The following MGA variants were observed in gnomAD, a reference collection of about 807,000 sequenced individuals.
The protein encoded by MGA is MAX gene-associated protein.
A neutral mutation model predicts 261.1 loss-of-function variants in MGA; 40 were observed. The observed-to-expected ratio is 0.15, with a 90% CI of 0.12 to 0.20. MGA has a LOEUF of 0.20. Among genes scored for constraint, MGA ranks in the 10% least tolerant of loss-of-function variants. The pLI is 1.00. For missense variants in MGA, 3,397 were observed against 3,630.5 expected, an observed-to-expected ratio of 0.94 and a Z score of 1.65; for synonymous variants, 1,302 against 1,290.6, an observed-to-expected ratio of 1.01 and a Z score of -0.19.
intron 7 of MGA, among the ~76,000 whole-genome samples, chr15:41,709,752 T>G (rs191990929): frequency 2.2e-4 from 33 of 151,338 alleles, no homozygotes; most frequent in African/African-American, 6.1e-4. Context: ...TCATAAATAA[T>G]CTTTTGGCAT....
chr15:41,726,683 T>G (rs553971774), intron 9 of MGA, among the ~76,000 whole-genome samples: 1 of 151,514 alleles, frequency 6.6e-6, no homozygotes, highest in African/African-American at 2.4e-5. Flanking sequence ...GAGCCAAGAT[T>G]GCGCCATTGC....
rs765796186 is a variant in MGA at position 41,766,695 on chromosome 15, C to G, written c.8613C>G (p.Ser2871Arg). The change falls in exon 24 of 24, where the codon AGC becomes AGG. Residue 2871 changes from serine to arginine, a missense_variant. Transcript: ENST00000219905. ...TTATTAGTAAGGTTCCTCCTGGAAGCAGAGCAACTTTCCAGGTTGAGCACT... is the reference window on the plus strand; with the variant it reads ...TTATTAGTAAGGTTCCTCCTGGAAGGAGAGCAACTTTCCAGGTTGAGCACT... 6.2e-7 allele frequency: 1 copy of G among 1,613,970 alleles called. No homozygotes were observed. Among genetic ancestry groups the G allele is most frequent in the Non-Finnish European group, 8.5e-7 (1 of 1,179,884 alleles).
chr15:41,695,981 T>C (rs745647124), intron 2 of MGA, 94 bp from the exon 3 acceptor site: 64 of 963,910 alleles, frequency 6.6e-5, no homozygotes, highest in Non-Finnish European at 9.4e-5. Flanking sequence ...GATGTGTTAC[T>C]TGGATTCCTA....
intron 1 of MGA, 30 bp from the exon 2 acceptor site, chr15:41,668,798 G>GT (rs1256093645): frequency 2.2e-6 from 2 of 911,978 alleles, no homozygotes; most frequent in East Asian, 2.5e-5. Flanking sequence ...GGTGTTTTTT[G>GT]TTTTTGGTTT....
upstream of MGA, among the ~76,000 whole-genome samples, chr15:41,656,239 C>T (rs1340844835): frequency 6.6e-6 from 1 of 151,882 alleles, no homozygotes; most frequent in Non-Finnish European, 1.5e-5. Context: ...CTGGAGGCAT[C>T]TGGGGCAATC....
chr15:41,738,441 CTTA>C (rs1260252633), intron 13 of MGA, among the ~76,000 whole-genome samples: 2 of 152,152 alleles, frequency 1.3e-5, no homozygotes, highest in South Asian at 2.1e-4. Context: ...AATTAAAAAA[CTTA>C]TTATTGCAGT....
chr15:41,710,929 T>C lies in MGA; in HGVS notation c.2664T>C (p.Pro888=), dbSNP rs770511671. 1 of 1,613,988 alleles carries C rather than the reference T, an allele frequency of 6.2e-7. No individual in the cohort carries two copies. The highest frequency in any genetic ancestry group is 1.7e-5 in the Admixed American group (1 of 60,016). ...CTTCTACCTCTTATTCTTTGAAACC[T>C]CATTCTGTACCCCCTGTCTCTCGAA... The change falls in exon 8 of 24, where the codon CCT becomes CCC. Residue 888 remains proline, a synonymous_variant. Transcript: ENST00000219905.
In MGA at chr15:41,711,953, A is replaced by T. The variant is rs79508016; in HGVS notation, c.3084+604A>T. On this transcript the variant is annotated intron_variant, in intron 8 of 23. Transcript: ENST00000219905. ...TTAGGTGATCCACCTGTCTCACCTC[A>T]CAAAATGCTGGGATTACAGGCATGA... Among the ~76,000 whole-genome samples, 974 of 152,202 alleles carry T rather than the reference A, an allele frequency of 6.4e-3. 4 individuals carry two copies. Among genetic ancestry groups the T allele is most frequent in the Middle Eastern group, 0.044 (13 of 294 alleles).
intron 23 of MGA, among the ~76,000 whole-genome samples, chr15:41,765,726 G>C (rs952637799): frequency 6.6e-6 from 1 of 152,130 alleles, no homozygotes; most frequent in Non-Finnish European, 1.5e-5. Context: ...TTCTGCCTTA[G>C]GAGAAGAATT....
intron 1 of MGA, among the ~76,000 whole-genome samples, chr15:41,650,488 A>AT: frequency 6.6e-6 from 1 of 152,026 alleles, no homozygotes; most frequent in South Asian, 2.1e-4. Flanking sequence ...CCCAGGCTGG[A>AT]GTGCAGTGGT....
chr15:41,742,934 G>A lies in MGA; in HGVS notation c.4974G>A (p.Val1658=). 1 of 1,613,988 alleles carries A rather than the reference G, an allele frequency of 6.2e-7. No individual in the cohort carries two copies. Among genetic ancestry groups the A allele is most frequent in the Non-Finnish European group, 8.5e-7 (1 of 1,179,888 alleles). ...CATCTACCCAGTCTACAGCCACTGT[G>A]AACCTTACCAAAACCACTGGGATAA... Residue 1658 remains valine, a synonymous_variant, in exon 15 of 24, where the codon GTG becomes GTA. Transcript: ENST00000219905.
chr15:41,761,860 GTAAA>G lies in MGA; in HGVS notation c.7510+14_7510+17del. Reference sequence around the variant, plus strand: ...GTATCGTCTCTTTCAGGTGAGATAAGTAAATAATCTCTGGTAAAGAGCATAATTA... The same window carrying G: ...GTATCGTCTCTTTCAGGTGAGATAAGTAATCTCTGGTAAAGAGCATAATTA... On this transcript the variant is annotated intron_variant, in intron 21 of 23. Transcript: ENST00000219905. 1 of 1,499,516 alleles carries G rather than the reference GTAAA, an allele frequency of 6.7e-7. No individual in the cohort carries two copies. The highest frequency in any genetic ancestry group is 1.2e-5 in the South Asian group (1 of 82,484). The allele number at this position is 1,499,516 out of a possible 1,614,324, so 92.9% of individuals were successfully genotyped here. A position where few individuals can be genotyped will look rare whatever the true frequency, so the allele number is the denominator to read the frequency against.
In MGA at chr15:41,761,851, G is replaced by C; in HGVS notation, c.7510+1G>C. 1 of 1,537,788 alleles carries C rather than the reference G, an allele frequency of 6.5e-7. No individual in the cohort carries two copies. The highest frequency in any genetic ancestry group is 8.9e-7 in the Non-Finnish European group (1 of 1,128,238). ...ATACGGAAAGTATCGTCTCTTTCAGGTGAGATAAGTAAATAATCTCTGGTA... is the reference window on the plus strand; with the variant it reads ...ATACGGAAAGTATCGTCTCTTTCAGCTGAGATAAGTAAATAATCTCTGGTA... On this transcript the variant is annotated splice_donor_variant, in intron 21 of 23. Coordinates refer to ENST00000219905, the MANE Select transcript of MGA (RefSeq NM_001164273.2). LOFTEE classifies it high-confidence loss of function.
At chr15:41,700,052 T>G (rs1201332777) in intron 5 of MGA, among the ~76,000 whole-genome samples, 4 of 144,416 alleles carry the variant, frequency 2.8e-5, no homozygotes, top group African/African-American at 5.1e-5. Context: ...TTTTTTTTTT[T>G]TTTTTTTTTT....
chr15:41,663,875 C>T (rs1000895782), intron 1 of MGA, among the ~76,000 whole-genome samples: 6 of 152,086 alleles, frequency 3.9e-5, no homozygotes, highest in Non-Finnish European at 7.4e-5. Context: ...TAATTGACTG[C>T]CCTTTGATTA....
rs979523671 is a variant in MGA at position 41,624,045 on chromosome 15, C to T, written c.-68+2747C>T. Among the ~76,000 whole-genome samples, 121 of 151,066 alleles carry T rather than the reference C, an allele frequency of 8.0e-4. 1 individual carries two copies. The highest frequency in any genetic ancestry group is 2.9e-3 in the African/African-American group (119 of 41,168). On this transcript the variant is annotated intron_variant, in intron 1 of 8. Transcript: ENST00000566718. ...CCTTCTGAAGTGCTAGGATTATAGG[C>T]GTGAGCCACCGAGCCCAGCAAATTA...
At chr15:41,709,430 C>T (rs2060274672) in intron 7 of MGA, among the ~76,000 whole-genome samples, 2 of 152,118 alleles carry the variant, frequency 1.3e-5, no homozygotes, top group Non-Finnish European at 2.9e-5. Context: ...GTATCACACT[C>T]CAGGCATTCC....
At chr15:41,676,776 A>T (rs943553329) in intron 2 of MGA, among the ~76,000 whole-genome samples, 47 of 152,214 alleles carry the variant, frequency 3.1e-4, no homozygotes, top group African/African-American at 1.1e-3. Flanking sequence ...CTAGATCAAG[A>T]TTTTAAATTT....
At chr15:41,703,619 G>A (rs1007652871) in intron 5 of MGA, among the ~76,000 whole-genome samples, 1 of 152,136 alleles carries the variant, frequency 6.6e-6, no homozygotes, top group African/African-American at 2.4e-5. Context: ...GTGCGTGCCT[G>A]TAATCCCAGT....
Sources: gnomAD v4.1 joint callset for allele counts (sites outside exome capture counted in the v4.1 genomes callset) on GRCh38, gnomAD v4.1.1 for gene constraint, MANE v1.5 for transcripts, NCBI Gene and HGNC (gene_info 2026-07-23, HGNC 2026-07-21) for gene names.